Variants in DNM3 observed in about 807,000 individuals in gnomAD.
The protein encoded by DNM3 is dynamin 3.
Under a neutral mutation model 101.6 loss-of-function variants are expected in DNM3, and 47 were observed. That is an observed-to-expected ratio of 0.46 (90% CI 0.37 to 0.59). The LOEUF (loss-of-function observed/expected upper bound fraction) is 0.59, where lower values mean the gene tolerates loss of function less well. Ranked by LOEUF, DNM3 falls within the 20% of genes least tolerant of loss-of-function variation. The pLI is 0.00. For missense variants in DNM3, 849 were observed against 1,085.7 expected (o/e 0.78, Z 3.06); for synonymous variants, 385 against 387.9 (o/e 0.99, Z 0.09).
chr1:171,884,239 GA>G (rs1001627332), intron 1 of DNM3, among the ~76,000 whole-genome samples: 1 of 152,054 alleles, frequency 6.6e-6, no homozygotes, highest in Non-Finnish European at 1.5e-5. Context: ...TATCAGTGAT[GA>G]AAAAAAGGAA....
chr1:172,106,907 G>A (rs1193438612), intron 13 of DNM3, among the ~76,000 whole-genome samples: 2 of 114,880 alleles, frequency 1.7e-5, no homozygotes, highest in African/African-American at 3.3e-5. Flanking sequence ...AGGCCGGACC[G>A]CGGACTGCAG....
intron 15 of DNM3, among the ~76,000 whole-genome samples, chr1:172,297,922 T>C (rs777298027): frequency 1.8e-4 from 28 of 152,226 alleles, no homozygotes; most frequent in Admixed American, 3.3e-4. Context: ...ATCTTCCTTT[T>C]CTTTTTTTCT....
intron 4 of DNM3, among the ~76,000 whole-genome samples, chr1:172,024,792 G>A (rs1375787047): frequency 6.6e-6 from 1 of 152,208 alleles, no homozygotes; most frequent in East Asian, 1.9e-4. Flanking sequence ...CTTTTCCCAC[G>A]GTCTTCACAA....
At chr1:171,935,877 T>C (rs1394476886) in intron 2 of DNM3, among the ~76,000 whole-genome samples, 1 of 150,248 alleles carries the variant, frequency 6.7e-6, no homozygotes, top group African/African-American at 2.5e-5. Context: ...TACTGTTTAC[T>C]GGTTAAGCCA....
chr1:172,163,430 A>G (rs919518203), intron 14 of DNM3, among the ~76,000 whole-genome samples: 9 of 151,520 alleles, frequency 5.9e-5, no homozygotes, highest in Non-Finnish European at 8.8e-5. Context: ...GGTAGATACG[A>G]GGTTTCGCCA....
At chr1:172,325,606 T>C (rs1029926733) in intron 17 of DNM3, among the ~76,000 whole-genome samples, 2 of 151,960 alleles carry the variant, frequency 1.3e-5, no homozygotes, top group African/African-American at 4.8e-5. Flanking sequence ...TCAGTATAAA[T>C]GGAAAATACT....
intron 2 of DNM3, among the ~76,000 whole-genome samples, chr1:171,967,253 A>G (rs2043654298): frequency 6.6e-6 from 1 of 152,168 alleles, no homozygotes; most frequent in South Asian, 2.1e-4. Flanking sequence ...AACACTTTTC[A>G]TGAAGATGTG....
intron 2 of DNM3, among the ~76,000 whole-genome samples, chr1:171,933,894 G>A (rs2041218345): frequency 1.3e-5 from 2 of 152,202 alleles, no homozygotes; most frequent in Non-Finnish European, 2.9e-5. Flanking sequence ...AATGTGGGCA[G>A]CTGTGGTTAT....
chr1:172,004,015 T>C (rs930673263), intron 4 of DNM3, among the ~76,000 whole-genome samples: 1 of 151,964 alleles, frequency 6.6e-6, no homozygotes, highest in African/African-American at 2.4e-5. Context: ...AATACTTGGG[T>C]TGCTTTTAGA....
chr1:172,303,818 C>T (rs955643135), intron 15 of DNM3, among the ~76,000 whole-genome samples: 1 of 152,194 alleles, frequency 6.6e-6, no homozygotes, highest in Middle Eastern at 3.4e-3. Context: ...CCTTTACAGA[C>T]AAGCAAATGC....
intron 14 of DNM3, among the ~76,000 whole-genome samples, chr1:172,188,163 T>A (rs2059586919): frequency 6.6e-6 from 1 of 152,134 alleles, no homozygotes; most frequent in South Asian, 2.1e-4. Context: ...ATTTATACAC[T>A]TTGAAAATCC....
chr1:171,908,002 A>G (rs774331915), intron 1 of DNM3, among the ~76,000 whole-genome samples: 3 of 152,234 alleles, frequency 2.0e-5, no homozygotes, highest in Non-Finnish European at 4.4e-5. Flanking sequence ...TAAGAAATAC[A>G]TTTTATTGTG....
Position 172,379,114 on chromosome 1 carries a change from A to C in DNM3, c.1990A>C (p.Met664Leu), listed in dbSNP as rs374692919. ...ETIRNLVDSY[M>L]SIINKCIRDL... is the part of the protein sequence containing the mutation. ...CATTCGCAACCTCGTAGACTCCTAC[A>C]TGTCCATTATCAACAAATGTATCCG... The change falls in exon 18 of 21, where the codon ATG becomes CTG. Residue 664 changes from methionine (M) to leucine (L), a missense_variant. This residue lies in a region of DNM3 where 256 missense variants were observed against 311.7 expected (regional missense o/e 0.82). Transcript: ENST00000627582. 6.2e-7 allele frequency: 1 copy of C among 1,612,172 alleles called. No homozygotes were observed. The highest frequency in any genetic ancestry group is 8.5e-7 in the Non-Finnish European group (1 of 1,178,896).
intron 14 of DNM3, among the ~76,000 whole-genome samples, chr1:172,165,539 G>A (rs1441230794): frequency 6.6e-6 from 1 of 151,902 alleles, no homozygotes; most frequent in Non-Finnish European, 1.5e-5. Flanking sequence ...AGCATTATAG[G>A]TTACTATTAT....
At chr1:172,127,455 C>G (rs922994644) in intron 13 of DNM3, among the ~76,000 whole-genome samples, 1 of 150,318 alleles carries the variant, frequency 6.7e-6, no homozygotes, top group African/African-American at 2.4e-5. Flanking sequence ...GTTGCCCAGG[C>G]GGGAGTACAG....
intron 15 of DNM3, among the ~76,000 whole-genome samples, chr1:172,285,511 C>G (rs1395141610): frequency 6.6e-6 from 1 of 152,120 alleles, no homozygotes; most frequent in East Asian, 1.9e-4. Context: ...CTTAGGCAAC[C>G]CTATCCGCAA....
intron 14 of DNM3, among the ~76,000 whole-genome samples, chr1:172,153,343 A>G (rs1188880479): frequency 6.6e-6 from 1 of 152,166 alleles, no homozygotes; most frequent in Non-Finnish European, 1.5e-5. Flanking sequence ...TGTAGCAAAT[A>G]CCATTTCTAC....
At chr1:172,239,250 A>G (rs923680894) in intron 14 of DNM3, among the ~76,000 whole-genome samples, 1 of 152,194 alleles carries the variant, frequency 6.6e-6, no homozygotes, top group Non-Finnish European at 1.5e-5. Flanking sequence ...TACATAATTA[A>G]CTTTCTATTT....
At chr1:171,922,673 A>G (rs910577329) in intron 2 of DNM3, among the ~76,000 whole-genome samples, 7 of 152,162 alleles carry the variant, frequency 4.6e-5, no homozygotes, top group African/African-American at 9.6e-5. Context: ...GAAAGCCTGT[A>G]TGTTTCTGCT....
Sources: gnomAD v4.1 joint callset for allele counts (sites outside exome capture counted in the v4.1 genomes callset) on GRCh38, gnomAD v4.1.1 for gene constraint, gnomAD v4.1.1 regional missense constraint, MANE v1.5 for transcripts, NCBI Gene and HGNC (gene_info 2026-07-23, HGNC 2026-07-21) for gene names.